Variants in ENTREP1 observed in about 807,000 individuals in gnomAD.
ENTREP1 encodes the protein endosomal transmembrane epsin interactor 1.
the ENTREP1 span, among the ~76,000 whole-genome samples, chr9:69,330,935 C>T: frequency 3.6e-4 from 55 of 152,064 alleles, no homozygotes; most frequent in African/African-American, 1.3e-3. Flanking sequence ...TTTTAAATAC[C>T]GAGGTAATAG....
At chr9:69,325,284 C>T in the ENTREP1 span, 4 of 1,004,700 alleles carry the variant, frequency 4.0e-6, no homozygotes, top group African/African-American at 4.8e-5. Context: ...CCGGCCGCAC[C>T]CGGCCGCACC....
At chr9:69,352,303 G>A in the ENTREP1 span, among the ~76,000 whole-genome samples, 2 of 151,898 alleles carry the variant, frequency 1.3e-5, no homozygotes, top group Admixed American at 6.6e-5. Flanking sequence ...ATTTTTAGTA[G>A]AACCTGAGTT....
chr9:69,325,111 A>G, the ENTREP1 span: 1 of 985,404 alleles, frequency 1.0e-6, no homozygotes, highest in African/African-American at 1.7e-5. Context: ...GCCAGGCGGC[A>G]GGTGGGTGCG....
the ENTREP1 span, chr9:69,391,818 GA>G: frequency 4.4e-5 from 70 of 1,578,106 alleles, no homozygotes; most frequent in Admixed American, 7.4e-5. Context: ...CTGGAAGACA[GA>G]AGGCCACTCC....
At chr9:69,376,217 T>A in the ENTREP1 span, among the ~76,000 whole-genome samples, 1 of 152,230 alleles carries the variant, frequency 6.6e-6, no homozygotes, top group African/African-American at 2.4e-5. Context: ...GTGTAGCTTT[T>A]AGCAAAACCT....
chr9:69,377,527 T>C, the ENTREP1 span: 7 of 1,608,506 alleles, frequency 4.4e-6, no homozygotes, highest in Admixed American at 3.3e-5. Flanking sequence ...AGCCAGCCCA[T>C]GGACCCCTTC....
chr9:69,366,795 G>A, the ENTREP1 span, among the ~76,000 whole-genome samples: 5 of 152,074 alleles, frequency 3.3e-5, no homozygotes, highest in Admixed American at 2.0e-4. Flanking sequence ...TGAAGAGAGT[G>A]TCTTTTCTCC....
At chr9:69,383,861 C>T in the ENTREP1 span, 2 of 1,577,984 alleles carry the variant, frequency 1.3e-6, no homozygotes, top group East Asian at 4.5e-5. Context: ...GACCGGGCCC[C>T]ACACATCTTT....
chr9:69,325,399 C>A, the ENTREP1 span: 1 of 1,089,482 alleles, frequency 9.2e-7, no homozygotes, highest in Non-Finnish European at 1.1e-6. Context: ...GCGCCGCTGC[C>A]GCCGCCGCTC....
chr9:69,349,094 G>C, the ENTREP1 span, among the ~76,000 whole-genome samples: 1 of 150,594 alleles, frequency 6.6e-6, no homozygotes, highest in African/African-American at 2.4e-5. Flanking sequence ...TGAGGCAGGG[G>C]AATCGCTTGA....
At chr9:69,343,499 G>C in the ENTREP1 span, among the ~76,000 whole-genome samples, 11 of 152,096 alleles carry the variant, frequency 7.2e-5, no homozygotes, top group African/African-American at 2.7e-4. Flanking sequence ...TGAGTGAAGT[G>C]GCACCGTCGC....
the ENTREP1 span, among the ~76,000 whole-genome samples, chr9:69,370,892 A>G: frequency 6.6e-6 from 1 of 152,204 alleles, no homozygotes; most frequent in Admixed American, 6.5e-5. Context: ...AACTTGTACT[A>G]AGTAAATACT....
the ENTREP1 span, among the ~76,000 whole-genome samples, chr9:69,351,388 T>TGATGATGATGA: frequency 6.6e-6 from 1 of 151,342 alleles, no homozygotes; most frequent in African/African-American, 2.4e-5. Flanking sequence ...TCTTATTTCC[T>TGATGATGATGA]TGATGATGAT....
chr9:69,375,893 G>A, the ENTREP1 span: 2 of 1,602,172 alleles, frequency 1.2e-6, no homozygotes, highest in Middle Eastern at 1.7e-4. Context: ...CACCCGCACG[G>A]TAAATACACC....
the ENTREP1 span, among the ~76,000 whole-genome samples, chr9:69,365,491 A>G: frequency 2.6e-5 from 4 of 152,140 alleles, no homozygotes; most frequent in African/African-American, 9.7e-5. Flanking sequence ...GATATCCCTC[A>G]CCTTGAGTGT....
chr9:69,379,070 T>G, the ENTREP1 span, among the ~76,000 whole-genome samples: 3 of 151,002 alleles, frequency 2.0e-5, no homozygotes, highest in Admixed American at 2.0e-4. Flanking sequence ...AGAGAATCTC[T>G]TAATTCCACA....
At chr9:69,363,913 G>A in the ENTREP1 span, among the ~76,000 whole-genome samples, 1 of 152,216 alleles carries the variant, frequency 6.6e-6, no homozygotes, top group East Asian at 1.9e-4. Flanking sequence ...CAGTGGTCCA[G>A]TGTAGAGTGA....
chr9:69,337,070 A>G, the ENTREP1 span, among the ~76,000 whole-genome samples: 1 of 124,700 alleles, frequency 8.0e-6, no homozygotes, highest in African/African-American at 3.1e-5. Context: ...GCTGGAGTGC[A>G]GTGGCACGTT....
At chr9:69,336,807 G>T in the ENTREP1 span, among the ~76,000 whole-genome samples, 1 of 151,846 alleles carries the variant, frequency 6.6e-6, no homozygotes, top group South Asian at 2.1e-4. Context: ...TGCCTCCCGG[G>T]TTCAAGCAAT....
Sources: allele counts gnomAD v4.1 joint callset (sites outside exome capture counted in the v4.1 genomes callset), GRCh38; gene constraint gnomAD v4.1.1; transcripts MANE v1.5; gene names NCBI Gene and HGNC (gene_info 2026-07-23, HGNC 2026-07-21).